Variants in IGSF11 observed in about 807,000 individuals in gnomAD.
IGSF11 encodes CXADR like 1.
IGSF11 carries 22 observed loss-of-function variants against 41.0 expected under a neutral mutation model. The ratio of observed to expected loss-of-function variants is 0.54; its 90% CI spans 0.38 to 0.77. The LOEUF (loss-of-function observed/expected upper bound fraction) is 0.77. Ranked by LOEUF, IGSF11 falls within the 30% of genes least tolerant of loss-of-function variation. IGSF11 has a pLI of 0.00. For missense variants in IGSF11, 444 were observed against 530.8 expected, an observed-to-expected ratio of 0.84 and a Z score of 1.61; for synonymous variants, 219 against 201.3, an observed-to-expected ratio of 1.09 and a Z score of -0.74.
At chr3:119,072,789 A>C (rs1193338333) in intron 1 of IGSF11, among the ~76,000 whole-genome samples, 1 of 152,122 alleles carries the variant, frequency 6.6e-6, no homozygotes, top group Non-Finnish European at 1.5e-5. Flanking sequence ...AGAGCAAAAG[A>C]ACAAAGCTTC....
At chr3:119,132,378 CAAAAAAAAAAAAAAAAAAA>C (rs58700219) in intron 1 of IGSF11, among the ~76,000 whole-genome samples, 1 of 39,784 alleles carries the variant, frequency 2.5e-5, no homozygotes, top group Non-Finnish European at 4.1e-5. Flanking sequence ...AAACAGAAAG[CAAAAAAAAAAAAAAAAAAA>C]AAAAAAAAAA....
intron 1 of IGSF11, among the ~76,000 whole-genome samples, chr3:119,078,493 A>C (rs368039267): frequency 6.6e-6 from 1 of 152,214 alleles, no homozygotes; most frequent in Non-Finnish European, 1.5e-5. Context: ...CAAATGGTGC[A>C]GGGATAACTG....
At chr3:119,124,370 G>A (rs1018776182) in intron 1 of IGSF11, among the ~76,000 whole-genome samples, 5 of 143,954 alleles carry the variant, frequency 3.5e-5, no homozygotes, top group African/African-American at 7.7e-5. Flanking sequence ...GGGTTCAAGC[G>A]ATTTTCATGC....
intron 1 of IGSF11, among the ~76,000 whole-genome samples, chr3:119,116,107 G>T (rs1576820783): frequency 6.6e-6 from 1 of 152,136 alleles, no homozygotes; most frequent in South Asian, 2.1e-4. Context: ...TTATTTCTGG[G>T]TGTGTCTGGA....
chr3:119,060,621 T>G (rs1251782464), intron 1 of IGSF11, among the ~76,000 whole-genome samples: 2 of 152,160 alleles, frequency 1.3e-5, no homozygotes, highest in South Asian at 4.1e-4. Flanking sequence ...TAAAGAAAAC[T>G]GAGATTCAAA....
chr3:119,009,430 C>CAA (rs1937829887), intron 1 of IGSF11, among the ~76,000 whole-genome samples: 1 of 152,082 alleles, frequency 6.6e-6, no homozygotes, highest in Admixed American at 6.6e-5. Context: ...GGCAGTTTCC[C>CAA]CCATGCTGTT....
At chr3:119,035,598 C>G (rs1402851302), upstream of IGSF11, among the ~76,000 whole-genome samples, 1 of 152,112 alleles carries the variant, frequency 6.6e-6, no homozygotes, top group Non-Finnish European at 1.5e-5. Context: ...TTATTGTAAT[C>G]GTTGTTTAGT....
intron 1 of IGSF11, among the ~76,000 whole-genome samples, chr3:119,003,669 T>G (rs1360014223): frequency 1.3e-5 from 2 of 151,904 alleles, no homozygotes; most frequent in Non-Finnish European, 2.9e-5. Context: ...GTTTTTAGCA[T>G]GAAGGGTTGT....
intron 1 of IGSF11, among the ~76,000 whole-genome samples, chr3:119,000,497 A>G (rs4687834): frequency 0.089 from 13,290 of 149,398 alleles, 555 homozygotes; most frequent in East Asian, 0.12. Context: ...AGTTGCTAGG[A>G]CCCAAATATC....
intron 1 of IGSF11, among the ~76,000 whole-genome samples, chr3:119,025,130 G>C (rs889844337): frequency 6.6e-6 from 1 of 152,248 alleles, no homozygotes; most frequent in South Asian, 2.1e-4. Flanking sequence ...TATATTGGGA[G>C]GGGGAGAGAG....
chr3:118,920,982 T>C (rs1407938648), intron 4 of IGSF11, among the ~76,000 whole-genome samples: 2 of 152,170 alleles, frequency 1.3e-5, no homozygotes, highest in African/African-American at 4.8e-5. Context: ...AAAGCCTTCA[T>C]ATGTCCATTC....
chr3:119,088,696 G>T (rs879743828), intron 1 of IGSF11, among the ~76,000 whole-genome samples: 2 of 152,078 alleles, frequency 1.3e-5, no homozygotes, highest in Non-Finnish European at 2.9e-5. Context: ...TTGATAGACT[G>T]CTAGCTAGAT....
At chr3:118,940,884 G>A (rs80144361) in intron 1 of IGSF11, among the ~76,000 whole-genome samples, 3,749 of 146,786 alleles carry the variant, frequency 0.026, 139 homozygotes, top group African/African-American at 0.09. Context: ...AACTGCACTG[G>A]GGGAAAAAAT....
chr3:118,984,429 C>G (rs1935054972), intron 1 of IGSF11, among the ~76,000 whole-genome samples: 1 of 152,120 alleles, frequency 6.6e-6, no homozygotes, highest in Non-Finnish European at 1.5e-5. Context: ...AAGAAAAGAA[C>G]TGCTGGTCAT....
upstream of IGSF11, among the ~76,000 whole-genome samples, chr3:119,109,573 T>C (rs967838099): frequency 1.5e-4 from 23 of 152,232 alleles, no homozygotes; most frequent in African/African-American, 5.5e-4. Flanking sequence ...GAAGGGTTTT[T>C]TGTGTCTCTA....
intron 1 of IGSF11, among the ~76,000 whole-genome samples, chr3:119,052,637 T>C (rs2107437997): frequency 6.6e-6 from 1 of 152,016 alleles, no homozygotes; most frequent in Non-Finnish European, 1.5e-5. Context: ...CCCTAAATCA[T>C]TCTATGAATC....
intron 1 of IGSF11, among the ~76,000 whole-genome samples, chr3:119,058,332 C>A (rs375292489): frequency 6.6e-6 from 1 of 152,050 alleles, no homozygotes; most frequent in Non-Finnish European, 1.5e-5. Context: ...CAGACACTTC[C>A]CAAAAGAAGA....
rs529667378 is a variant in IGSF11 at position 118,931,515 on chromosome 3, G to C, written c.53-1240C>G. Among the ~76,000 whole-genome samples the C allele has an allele frequency of 2.0e-5, 3 of 152,186 alleles. No individual in the cohort carries two copies. In the East Asian group the frequency reaches 5.8e-4, roughly 29 times the overall value. On this transcript the variant is annotated intron_variant, in intron 1 of 6. Coordinates refer to ENST00000393775, the MANE Select transcript of IGSF11 (RefSeq NM_001015887.3). ...CTGATACATCTTACAACATGCACGA[G>C]CCTCCCAAAACATATTTCTCAAAGA...
At position 119,029,445 on chromosome 3, in the gene IGSF11, G is replaced by A. The variant is rs887624999; in HGVS notation, c.52+5086C>T. ...AGCTTCTATGGTGATTTCTGTGTCT[G>A]CCTGGTTGGCTCCAGGGTTAATTTT... is the stretch of plus-strand genomic sequence containing the variant. On this transcript the variant is annotated intron_variant, in intron 1 of 6. Transcript: ENST00000393775. Among the ~76,000 whole-genome samples the A allele has an allele frequency of 8.0e-4, 122 of 152,206 alleles. 1 individual carries two copies. Among genetic ancestry groups the A allele is most frequent in the Non-Finnish European group, 8.8e-5 (6 of 68,044 alleles).
Sources: gnomAD v4.1 joint callset for allele counts (sites outside exome capture counted in the v4.1 genomes callset) on GRCh38, gnomAD v4.1.1 for gene constraint, MANE v1.5 for transcripts, NCBI Gene and HGNC (gene_info 2026-07-23, HGNC 2026-07-21) for gene names.